AFTPH: variants seen among roughly 807,000 people sequenced by gnomAD.
The protein encoded by AFTPH is aftiphilin, also known as aftiphilin protein.
In AFTPH, 7 loss-of-function variants were observed where a neutral mutation model predicts 72.5. The observed-to-expected ratio is 0.10, with a 90% CI of 0.05 to 0.18. The LOEUF is 0.18. AFTPH is among the 10% of genes least tolerant of loss of function. AFTPH has a pLI of 1.00. For synonymous variants in AFTPH, 337 were observed against 370.1 expected, an observed-to-expected ratio of 0.91 and a Z score of 1.03; for missense variants, 979 against 1,060.5, an observed-to-expected ratio of 0.92 and a Z score of 1.07.
chr2:64,592,110 C>G (rs1673864487), exon 9 of AFTPH: 1 of 726,960 alleles, frequency 1.4e-6, no homozygotes, highest in Non-Finnish European at 1.9e-6. Flanking sequence ...CATACCTGCT[C>G]TAATTAAAAA....
At chr2:64,567,441 A>T (rs907467358) in intron 2 of AFTPH, 121 bp from the exon 3 acceptor site, 23 of 968,336 alleles carry the variant, frequency 2.4e-5, no homozygotes, top group Non-Finnish European at 3.1e-5. Context: ...GTGTTTTCTG[A>T]TGGTTCTCTT....
At chr2:64,549,308 C>CTTTTTTTTTTTTTTTTTT (rs34951706) in intron 1 of AFTPH, among the ~76,000 whole-genome samples, 4 of 55,982 alleles carry the variant, frequency 7.1e-5, no homozygotes, top group African/African-American at 2.4e-4. Flanking sequence ...TTAGTCCTCC[C>CTTTTTTTTTTTTTTTTTT]TTTTTTTTTT....
chr2:64,563,219 G>C (rs570865168), intron 2 of AFTPH, among the ~76,000 whole-genome samples: 1 of 152,290 alleles, frequency 6.6e-6, no homozygotes, highest in African/African-American at 2.4e-5. Context: ...GTTTTGATGT[G>C]ATACTGAATT....
chr2:64,526,050 A>G (rs1156545004), intron 1 of AFTPH, among the ~76,000 whole-genome samples: 5 of 152,256 alleles, frequency 3.3e-5, no homozygotes, highest in African/African-American at 9.6e-5. Flanking sequence ...AAAATCCACT[A>G]CAATTCACAT....
chr2:64,572,112 C>G (rs764856292), intron 5 of AFTPH, among the ~76,000 whole-genome samples: 6 of 150,890 alleles, frequency 4.0e-5, no homozygotes, highest in South Asian at 2.1e-4. Context: ...CTTAGCTACT[C>G]GGGAGGCTGA....
intron 6 of AFTPH, among the ~76,000 whole-genome samples, chr2:64,574,890 G>A (rs1388531340): frequency 6.6e-6 from 1 of 152,158 alleles, no homozygotes; most frequent in African/African-American, 2.4e-5. Flanking sequence ...CTTTCCCACG[G>A]CACATTTTTA....
intron 8 of AFTPH, among the ~76,000 whole-genome samples, chr2:64,591,210 C>T (rs1673806765): frequency 1.3e-5 from 2 of 152,212 alleles, no homozygotes; most frequent in South Asian, 2.1e-4. Flanking sequence ...GGGGCCAGTG[C>T]AGCAAAATCT....
At chr2:64,535,204 C>G (rs938827515) in intron 1 of AFTPH, among the ~76,000 whole-genome samples, 4 of 152,126 alleles carry the variant, frequency 2.6e-5, no homozygotes, top group Non-Finnish European at 5.9e-5. Context: ...TTTATGTCAT[C>G]CCTGGAGTTA....
At chr2:64,527,612 AT>A (rs2103791491) in intron 1 of AFTPH, among the ~76,000 whole-genome samples, 1 of 152,190 alleles carries the variant, frequency 6.6e-6, no homozygotes, top group African/African-American at 2.4e-5. Flanking sequence ...AAGTTTAGGT[AT>A]TTAACTTTAA....
Position 64,524,978 on chromosome 2 carries a change from G to T in AFTPH, c.-33+366G>T, listed in dbSNP as rs537860596. ...TCCAGGGAGCTGTTCAGAAGTTTGG[G>T]GCTTTGCTTGGGCTTCTTCGCTCTC... On this transcript the variant is annotated intron_variant, in intron 1 of 8. Transcript: ENST00000238856. Among the ~76,000 whole-genome samples, 8 of 152,322 alleles carry T rather than the reference G, an allele frequency of 5.3e-5. No homozygotes were observed. In the South Asian group the frequency reaches 1.7e-3, roughly 32 times the overall value.
chr2:64,585,366 C>G (rs1488349142), intron 7 of AFTPH, 56 bp from the exon 9 acceptor site: 1 of 1,604,040 alleles, frequency 6.2e-7, no homozygotes, highest in Non-Finnish European at 8.5e-7. Context: ...TGGATTGTGG[C>G]TAACTGGGTA....
At chr2:64,566,983 A>G (rs1489284082) in intron 2 of AFTPH, among the ~76,000 whole-genome samples, 1 of 152,242 alleles carries the variant, frequency 6.6e-6, no homozygotes, top group Admixed American at 6.5e-5. Flanking sequence ...GTAAAAATTG[A>G]GACATTCTTT....
intron 1 of AFTPH, among the ~76,000 whole-genome samples, chr2:64,545,157 A>G (rs958610636): frequency 6.6e-6 from 1 of 152,118 alleles, no homozygotes; most frequent in Non-Finnish European, 1.5e-5. Context: ...TTAATCACAG[A>G]TTAGGCTAGG....
At chr2:64,552,727 GTAA>G (rs766506639) in exon 2 of AFTPH, 1 of 1,614,184 alleles carries the variant, frequency 6.2e-7, no homozygotes, top group Non-Finnish European at 8.5e-7. Context: ...GGTGATAGTA[GTAA>G]TGACTTTGTG....
At chr2:64,590,625 A>T (rs1673771220) in intron 8 of AFTPH, among the ~76,000 whole-genome samples, 1 of 152,380 alleles carries the variant, frequency 6.6e-6, no homozygotes, top group East Asian at 1.9e-4. Flanking sequence ...GTAGATTTTC[A>T]TCAGAAAAAA....
At chr2:64,577,128 C>G (rs2104149235) in intron 6 of AFTPH, among the ~76,000 whole-genome samples, 1 of 152,310 alleles carries the variant, frequency 6.6e-6, no homozygotes, top group East Asian at 1.9e-4. Context: ...AGTGGTACTG[C>G]TAGGACTGGA....
At chr2:64,572,869 C>T in intron 5 of AFTPH, 77 bp from the exon 6 acceptor site, 2 of 1,546,896 alleles carry the variant, frequency 1.3e-6, no homozygotes, top group South Asian at 1.2e-5. Flanking sequence ...TTTTTACCTT[C>T]TTCTTTCTGA....
chr2:64,579,304 AATTTTGCAATTTC>A (rs1316910868), intron 6 of AFTPH, among the ~76,000 whole-genome samples, 169 bp from the exon 7 acceptor site: 1 of 152,156 alleles, frequency 6.6e-6, no homozygotes, highest in Non-Finnish European at 1.5e-5. Context: ...ACTGTTTGTA[AATTTTGCAATTTC>A]AGTTTGTGCT....
Position 64,569,076 on chromosome 2 carries a change from A to G in AFTPH, c.2088-16A>G, listed in dbSNP as rs76658175. 1,048 of 1,613,912 alleles carry G rather than the reference A, an allele frequency of 6.5e-4. 20 individuals carry two copies. In the East Asian group the frequency reaches 0.02, roughly 30 times the overall value. On this transcript the variant is annotated splice_polypyrimidine_tract_variant and intron_variant, in intron 3 of 8. Coordinates refer to ENST00000238856, the Ensembl canonical transcript of AFTPH. ...TGAGTAACCTGTTGTTGATGGCTTCATCATGGCCTTTGCAGGGAATTGCTA... is the reference window on the plus strand; with the variant it reads ...TGAGTAACCTGTTGTTGATGGCTTCGTCATGGCCTTTGCAGGGAATTGCTA...
Sources: gnomAD v4.1 joint callset for allele counts (sites outside exome capture counted in the v4.1 genomes callset) on GRCh38, gnomAD v4.1.1 for gene constraint, MANE v1.5 for transcripts, NCBI Gene and HGNC (gene_info 2026-07-23, HGNC 2026-07-21) for gene names.